Variants in DLX5 observed in about 807,000 individuals in gnomAD.
The protein encoded by DLX5 is homeobox protein DLX-5.
A neutral mutation model predicts 27.1 loss-of-function variants in DLX5; 8 were observed. The ratio of observed to expected loss-of-function variants is 0.30; its 90% CI spans 0.17 to 0.53. The LOEUF (loss-of-function observed/expected upper bound fraction) is 0.53. DLX5 is among the 20% of genes least tolerant of loss of function. The probability of loss-of-function intolerance (pLI) is 0.95; values close to 1 mark genes in which losing one functional copy is unlikely to be tolerated. For missense variants in DLX5, 339 were observed against 375.1 expected, an observed-to-expected ratio of 0.90 and a Z score of 0.80; for synonymous variants, 178 against 161.9, an observed-to-expected ratio of 1.10 and a Z score of -0.75.
At chr7:97,022,507 C>T (rs1790091724) in intron 1 of DLX5, 138 bp from the exon 2 acceptor site, 1 of 1,487,022 alleles carries the variant, frequency 6.7e-7, no homozygotes, top group South Asian at 1.4e-5. Context: ...CTTTGCTTTT[C>T]AGGACCGCGA....
intron 2 of DLX5, 101 bp downstream of exon 2, chr7:97,022,084 G>A: frequency 1.4e-6 from 2 of 1,394,586 alleles, no homozygotes; most frequent in East Asian, 2.3e-5. Flanking sequence ...AGTTTCTCAC[G>A]GGTACTGTCA....
At chr7:97,021,961 G>T in intron 2 of DLX5, 1 of 618,756 alleles carries the variant, frequency 1.6e-6, no homozygotes, top group Non-Finnish European at 2.8e-6. Context: ...GGGTGGGGGC[G>T]GGGGGCGCGG....
At chr7:97,023,800 C>T (rs142581555) in intron 1 of DLX5, among the ~76,000 whole-genome samples, 179 of 150,852 alleles carry the variant, frequency 1.2e-3, no homozygotes, top group African/African-American at 3.9e-3. Flanking sequence ...AGGGCACCCG[C>T]ACCGTGCTAG....
intron 1 of DLX5, among the ~76,000 whole-genome samples, chr7:97,022,843 C>CT (rs1165715652): frequency 1.3e-5 from 2 of 152,100 alleles, no homozygotes; most frequent in Admixed American, 6.5e-5. Context: ...AGGGAAGACG[C>CT]TAACCGAGGT....
At chr7:97,022,053 G>T in intron 2 of DLX5, 132 bp downstream of exon 2, 2 of 1,055,892 alleles carry the variant, frequency 1.9e-6, no homozygotes, top group Non-Finnish European at 2.9e-6. Flanking sequence ...AAGCATAGGG[G>T]CTGATGTCTT....
At position 97,020,957 on chromosome 7, in the gene DLX5, A is replaced by C; in HGVS notation, c.649T>G (p.Ser217Ala). 6.2e-7 allele frequency: 1 copy of C among 1,613,916 alleles called. No individual in the cohort carries two copies. Among genetic ancestry groups the C allele is most frequent in the Non-Finnish European group, 8.5e-7 (1 of 1,180,032 alleles). ...PSSSDPMACN[S>A]PQSPAVWEPQ... ...TCCCACACCGCTGGAGACTGCGGCG[A>C]GTTACACGCCATTGGGTCGCTGGAG... Residue 217 changes from serine to alanine, a missense_variant, in exon 3 of 3, where the codon TCG becomes GCG. Physicochemically the swap from Ser to Ala is moderately conservative, Grantham distance 99. Transcript: ENST00000648378.
chr7:97,020,914 C>G lies in DLX5; in HGVS notation c.692G>C (p.Arg231Pro), dbSNP rs142492086. The G allele has an allele frequency of 6.2e-7, 1 of 1,613,966 alleles. No homozygotes were observed. The highest frequency in any genetic ancestry group is 1.1e-5 in the South Asian group (1 of 91,070). Reference sequence around the variant, plus strand: ...GGCATGAGGGTGGTGGCTGAGCGAGCGGGACGAGCCCTGGGGCTCCCACAC... The same window carrying G: ...GGCATGAGGGTGGTGGCTGAGCGAGGGGGACGAGCCCTGGGGCTCCCACAC... ...PAVWEPQGSS[R>P]SLSHHPHAHP... The change falls in exon 3 of 3, where the codon CGC (arginine) becomes CCC (proline). Residue 231 changes from arginine (R) to proline (P), a missense_variant. By Grantham distance (103) the Arg-to-Pro change is moderately radical (BLOSUM62 -2). Around this residue, in one of 3 missense-constraint regions of DLX5, gnomAD observed 136 missense variants for 130.3 expected, o/e 1.04. Transcript: ENST00000648378.
Position 97,024,688 on chromosome 7 carries a change from G to A in DLX5, c.-65C>T, listed in dbSNP as rs1280008016. 1.4e-6 allele frequency: 2 copies of A among 1,392,642 alleles called. No individual in the cohort carries two copies. Among genetic ancestry groups the A allele is most frequent in the African/African-American group, 1.4e-5 (1 of 70,284 alleles). 86.3% of individuals were successfully genotyped at this position (1,392,642 alleles called of 1,614,324 possible). A position where few individuals can be genotyped will look rare whatever the true frequency, so the allele number is the denominator to read the frequency against. ...GCGGCGGCAGCTGCCCTAGTTGGCT[G>A]TGGGGCTGCTCTGGTCTAAGCAGAC... On this transcript the variant is annotated 5_prime_UTR_variant, in exon 1 of 3. Transcript: ENST00000648378. The surrounding 1 kb of genome is among the most constrained non-coding windows in gnomAD (Gnocchi z 4.6).
In DLX5 at chr7:97,020,644, C is replaced by A; in HGVS notation, c.*92G>T. ...TACACATGAATCTTTTTCAGTTTTC[C>A]GAACTTCCCCATATGAATTCCTTTC... On this transcript the variant is annotated 3_prime_UTR_variant, in exon 3 of 3. Transcript: ENST00000648378. 1 of 1,281,198 alleles carries A rather than the reference C, an allele frequency of 7.8e-7. No homozygotes were observed. The highest frequency in any genetic ancestry group is 1.5e-5 in the African/African-American group (1 of 67,562). The allele number at this position is 1,281,198 out of a possible 1,614,324, so 79.4% of individuals were successfully genotyped here. A position where few individuals can be genotyped will look rare whatever the true frequency, so the allele number is the denominator to read the frequency against.
intron 1 of DLX5, among the ~76,000 whole-genome samples, chr7:97,022,972 G>C (rs1790102931): frequency 6.7e-6 from 1 of 149,544 alleles, no homozygotes; most frequent in South Asian, 2.1e-4. Flanking sequence ...AGATCTGCGA[G>C]GGCACAGATG....
At position 97,024,257 on chromosome 7, in the gene DLX5, C is replaced by G. The variant is rs770291874; in HGVS notation, c.355+12G>C. 6.2e-6 allele frequency: 10 copies of G among 1,608,706 alleles called. 2 individuals are homozygous for G. The South Asian group carries it at 1.0e-4, about 16-fold the overall frequency. On this transcript the variant is annotated intron_variant, in intron 1 of 2. Transcript: ENST00000648378. This position sits in a 1 kb window ranked among gnomAD's most constrained non-coding sequence, Gnocchi z 4.6. ...GCCCTGTATCTGCCCAGCCTTCCCCCTGTCCATGTACCTGGCTGGTTGGTG... is the reference window on the plus strand; with the variant it reads ...GCCCTGTATCTGCCCAGCCTTCCCCGTGTCCATGTACCTGGCTGGTTGGTG...
At chr7:97,023,273 TG>T (rs1790114284) in intron 1 of DLX5, among the ~76,000 whole-genome samples, 1 of 151,666 alleles carries the variant, frequency 6.6e-6, no homozygotes, top group Non-Finnish European at 1.5e-5. Flanking sequence ...AAACCTGCCC[TG>T]GGGCTACAAC....
chr7:97,021,331 G>A, intron 2 of DLX5, among the ~76,000 whole-genome samples: 1 of 152,182 alleles, frequency 6.6e-6, no homozygotes, highest in East Asian at 1.9e-4. Context: ...GGCTGGGGGT[G>A]GGGGACGCCA....
In DLX5 at chr7:97,024,433, G is replaced by C. The variant is rs924964248; in HGVS notation, c.191C>G (p.Ala64Gly). The change falls in exon 1 of 3, where the codon GCT becomes GGT. Residue 64 changes from alanine to glycine, a missense_variant. Around this residue, in one of 3 missense-constraint regions of DLX5, gnomAD observed 188 missense variants for 206.1 expected, o/e 0.91. Transcript: ENST00000648378. This position sits in a 1 kb window ranked among gnomAD's most constrained non-coding sequence, Gnocchi z 4.6. Reference protein sequence around the residue: ...APHGYCSPTSASYGKALNPYQ... With the variant: ...APHGYCSPTSGSYGKALNPYQ... ...GGGGTTGAGAGCTTTGCCATAGGAAGCCGAGGTAGGAGAGCAGTAGCCGTG... is the reference window on the plus strand; with the variant it reads ...GGGGTTGAGAGCTTTGCCATAGGAACCCGAGGTAGGAGAGCAGTAGCCGTG... 1 of 1,614,278 alleles carries C rather than the reference G, an allele frequency of 6.2e-7. No homozygotes were observed.
Position 97,024,802 on chromosome 7 carries a change from G to GTCTCCTCTGTC in DLX5, c.-180_-179insGACAGAGGAGA, listed in dbSNP as rs1351409718. 3 of 600,838 alleles carry GTCTCCTCTGTC rather than the reference G, an allele frequency of 5.0e-6. No individual in the cohort carries two copies. In the East Asian group the frequency reaches 8.4e-5, roughly 17 times the overall value. 37.2% of individuals were successfully genotyped at this position (600,838 alleles called of 1,614,324 possible). A position where few individuals can be genotyped will look rare whatever the true frequency, so the allele number is the denominator to read the frequency against. ...CGGCGAGGAGGAGACTGGGAGTCGT[G>GTCTCCTCTGTC]AAGTCTCTGTCTCCGGCCGGCTGAC... is the stretch of plus-strand genomic sequence containing the variant. On this transcript the variant is annotated 5_prime_UTR_variant, in exon 1 of 3. Coordinates refer to ENST00000648378, the MANE Select transcript of DLX5 (RefSeq NM_005221.6). This position sits in a 1 kb window ranked among gnomAD's most constrained non-coding sequence, Gnocchi z 4.6.
chr7:97,021,652 C>A (rs1165796886), intron 2 of DLX5, among the ~76,000 whole-genome samples: 1 of 152,164 alleles, frequency 6.6e-6, no homozygotes, highest in Non-Finnish European at 1.5e-5. Context: ...TGGGACAATC[C>A]AGGAAGACTT....
chr7:97,023,486 C>T (rs1453006631), intron 1 of DLX5, among the ~76,000 whole-genome samples: 1 of 151,860 alleles, frequency 6.6e-6, no homozygotes, highest in African/African-American at 2.4e-5. Flanking sequence ...GAGATCAAAC[C>T]TTACCAATAA....
intron 1 of DLX5, 156 bp from the exon 2 acceptor site, chr7:97,022,525 G>A (rs770098159): frequency 1.3e-5 from 13 of 984,836 alleles, no homozygotes; most frequent in Non-Finnish European, 1.6e-5. Flanking sequence ...CGATAAATAT[G>A]CACCTACCCC....
Position 97,024,792 on chromosome 7 carries a change from T to C in DLX5, c.-169A>G, listed in dbSNP as rs188114093. ...GCGGCGGCCGCGGCGAGGAGGAGAC[T>C]GGGAGTCGTGAAGTCTCTGTCTCCG... is the stretch of plus-strand genomic sequence containing the variant. On this transcript the variant is annotated 5_prime_UTR_variant, in exon 1 of 3. Coordinates refer to ENST00000648378, the MANE Select transcript of DLX5 (RefSeq NM_005221.6). The surrounding 1 kb of genome is among the most constrained non-coding windows in gnomAD (Gnocchi z 4.6). 15 of 616,562 alleles carry C rather than the reference T, an allele frequency of 2.4e-5. No homozygotes were observed. Among genetic ancestry groups the C allele is most frequent in the African/African-American group, 5.5e-5 (3 of 54,264 alleles). The allele number at this position is 616,562 out of a possible 1,614,324, so 38.2% of individuals were successfully genotyped here. A position where few individuals can be genotyped will look rare whatever the true frequency, so the allele number is the denominator to read the frequency against.
Sources: allele counts gnomAD v4.1 joint callset (sites outside exome capture counted in the v4.1 genomes callset), GRCh38; gene constraint gnomAD v4.1.1; regional missense constraint gnomAD v4.1.1; non-coding constraint Gnocchi (gnomAD v3.1); transcripts MANE v1.5; gene names NCBI Gene and HGNC (gene_info 2026-07-23, HGNC 2026-07-21).